MAPK14: variants seen among roughly 807,000 people sequenced by gnomAD.
MAPK14 encodes the protein mitogen-activated protein kinase 14.
A neutral mutation model predicts 49.6 loss-of-function variants in MAPK14; 16 were observed. The observed-to-expected ratio is 0.32, with a 90% CI of 0.22 to 0.49. The LOEUF (loss-of-function observed/expected upper bound fraction) is 0.49. Among genes scored for constraint, MAPK14 ranks in the 20% least tolerant of loss-of-function variants. The pLI is 0.99. For missense variants in MAPK14, 200 were observed against 441.2 expected (o/e 0.45, Z 4.90); for synonymous variants, 142 against 158.0 (o/e 0.90, Z 0.76).
intron 6 of MAPK14, among the ~76,000 whole-genome samples, chr6:36,074,427 AC>A (rs1168402721): frequency 1.3e-5 from 2 of 152,154 alleles, no homozygotes; most frequent in African/African-American, 4.8e-5. Context: ...AATGGCAGAA[AC>A]CCACTCACTC....
At chr6:36,066,722 T>G (rs951472637) in intron 3 of MAPK14, among the ~76,000 whole-genome samples, 1 of 151,650 alleles carries the variant, frequency 6.6e-6, no homozygotes, top group Non-Finnish European at 1.5e-5. Flanking sequence ...GGATAAAAAT[T>G]GTGCATTGAT....
intron 6 of MAPK14, 79 bp from the exon 7 acceptor site, chr6:36,075,769 T>A: frequency 6.3e-7 from 1 of 1,592,456 alleles, no homozygotes; most frequent in African/African-American, 1.3e-5. Flanking sequence ...AGAGGTTTGT[T>A]TGTTGTTGTT....
At chr6:36,037,203 G>T (rs1335584317) in intron 1 of MAPK14, among the ~76,000 whole-genome samples, 1 of 152,082 alleles carries the variant, frequency 6.6e-6, no homozygotes, top group African/African-American at 2.4e-5. Context: ...TCACTGTGTT[G>T]TGGTTGTCTG....
intron 8 of MAPK14, chr6:36,092,133 C>G (rs368823070): frequency 2.3e-5 from 12 of 519,248 alleles, no homozygotes; most frequent in East Asian, 2.1e-4. Flanking sequence ...TCTTGGGTAA[C>G]GAAATGACTT....
intron 9 of MAPK14, chr6:36,097,060 A>AG (rs1244367259): frequency 6.6e-6 from 1 of 152,260 alleles, no homozygotes; most frequent in Non-Finnish European, 1.5e-5. Context: ...GGGTAGCTTG[A>AG]GGCAAGCATA....
At chr6:36,042,276 G>C (rs1359706277) in intron 1 of MAPK14, among the ~76,000 whole-genome samples, 1 of 152,086 alleles carries the variant, frequency 6.6e-6, no homozygotes, top group Non-Finnish European at 1.5e-5. Context: ...GGAGTTTCTT[G>C]AGTTGTGAAC....
chr6:36,034,162 A>G (rs1393073862), intron 1 of MAPK14, among the ~76,000 whole-genome samples: 2 of 152,200 alleles, frequency 1.3e-5, no homozygotes, highest in East Asian at 3.8e-4. Context: ...CACCAGTGTC[A>G]TTGCCCAGTT....
intron 1 of MAPK14, among the ~76,000 whole-genome samples, chr6:36,039,263 C>T (rs1022351455): frequency 6.6e-6 from 1 of 152,152 alleles, no homozygotes; most frequent in Admixed American, 6.5e-5. Flanking sequence ...ATAAGTTTTC[C>T]TGCAAACATA....
intron 1 of MAPK14, among the ~76,000 whole-genome samples, chr6:36,039,862 G>C (rs539292891): frequency 6.6e-6 from 1 of 152,064 alleles, no homozygotes; most frequent in Admixed American, 6.6e-5. Context: ...TGGGCATGGT[G>C]GTGTGTGCCT....
At chr6:36,053,093 A>T (rs1043301696) in intron 2 of MAPK14, among the ~76,000 whole-genome samples, 2 of 151,770 alleles carry the variant, frequency 1.3e-5, no homozygotes, top group Admixed American at 1.3e-4. Context: ...TATGTTATGA[A>T]ATACAACACA....
downstream of MAPK14, among the ~76,000 whole-genome samples, chr6:36,111,928 C>T (rs1432038323): frequency 1.3e-5 from 2 of 152,198 alleles, no homozygotes; most frequent in South Asian, 2.1e-4. Flanking sequence ...GACAGTTGGC[C>T]GGGCGTGGTG....
At chr6:36,040,728 G>A (rs1213491649) in intron 1 of MAPK14, among the ~76,000 whole-genome samples, 1 of 152,164 alleles carries the variant, frequency 6.6e-6, no homozygotes, top group Non-Finnish European at 1.5e-5. Flanking sequence ...TTTCTGGAAA[G>A]GAAATTAGCA....
chr6:36,037,015 A>C (rs893364660), intron 1 of MAPK14, among the ~76,000 whole-genome samples: 3 of 152,216 alleles, frequency 2.0e-5, no homozygotes, highest in Non-Finnish European at 4.4e-5. Flanking sequence ...TGCTGAGAGT[A>C]ATAGGTATGA....
intron 9 of MAPK14, chr6:36,098,144 TAAA>T (rs1765510123): frequency 6.6e-6 from 1 of 152,158 alleles, no homozygotes; most frequent in Non-Finnish European, 1.5e-5. Flanking sequence ...AGGAGTGCAG[TAAA>T]TAGCCAACAG....
intron 1 of MAPK14, among the ~76,000 whole-genome samples, chr6:36,034,897 C>CTT (rs200316205): frequency 0.05 from 6,076 of 120,970 alleles, 476 homozygotes; most frequent in African/African-American, 0.15. Context: ...TTCTTTCTTT[C>CTT]TTTTTTTTTT....
At chr6:36,059,639 C>T (rs1368247183) in intron 3 of MAPK14, among the ~76,000 whole-genome samples, 1 of 152,046 alleles carries the variant, frequency 6.6e-6, no homozygotes, top group East Asian at 1.9e-4. Flanking sequence ...ATTTTCTTTT[C>T]AAAGTGTTTA....
At chr6:36,059,620 T>G (rs7750653) in intron 3 of MAPK14, among the ~76,000 whole-genome samples, 5,340 of 152,284 alleles carry the variant, frequency 0.035, 205 homozygotes, top group African/African-American at 0.092. Context: ...GAGAGAGTTT[T>G]GACTATGGAT....
At chr6:36,092,102 C>T (rs1160919756) in intron 8 of MAPK14, 2 of 510,404 alleles carry the variant, frequency 3.9e-6, no homozygotes, top group East Asian at 5.4e-5. Flanking sequence ...ACGAGAGCAT[C>T]GAGTCCCTGC....
At chr6:36,033,993 T>A (rs1440085290) in intron 1 of MAPK14, among the ~76,000 whole-genome samples, 3 of 152,240 alleles carry the variant, frequency 2.0e-5, no homozygotes, top group East Asian at 3.8e-4. Context: ...ATTAAAGGAA[T>A]GGCATACTTG....
Sources: allele counts gnomAD v4.1 joint callset (sites outside exome capture counted in the v4.1 genomes callset), GRCh38; gene constraint gnomAD v4.1.1; transcripts MANE v1.5; gene names NCBI Gene and HGNC (gene_info 2026-07-23, HGNC 2026-07-21).